ERFL: variants seen among roughly 807,000 people sequenced by gnomAD.
ERFL encodes ETS domain-containing transcription factor ERF-like.
ERFL carries 8 observed loss-of-function variants against 27.9 expected under a neutral mutation model. The ratio of observed to expected loss-of-function variants is 0.29; its 90% confidence interval spans 0.17 to 0.52. The LOEUF is 0.52. Among genes scored for constraint, ERFL ranks in the 20% least tolerant of loss-of-function variants. The probability of loss-of-function intolerance (pLI) is 0.97; values close to 1 mark genes in which losing one functional copy is unlikely to be tolerated. For synonymous variants in ERFL, 174 were observed against 202.8 expected, an observed-to-expected ratio of 0.86 and a Z score of 1.21; for missense variants, 294 against 444.4, an observed-to-expected ratio of 0.66 and a Z score of 3.04.
chr19:41,928,030 GCTCA>G lies in ERFL; in HGVS notation c.-14+6_-14+9del, dbSNP rs1555853446. The G allele has an allele frequency of 6.6e-6, 1 of 152,118 alleles. No homozygotes were observed. The highest frequency in any genetic ancestry group is 1.5e-5 in the Non-Finnish European group (1 of 68,036). The allele number at this position is 152,118 out of a possible 1,614,324, so 9.4% of individuals were successfully genotyped here. A position where few individuals can be genotyped will look rare whatever the true frequency, so the allele number is the denominator to read the frequency against. On this transcript the variant is annotated splice_donor_region_variant and intron_variant, in intron 1 of 5. Transcript: ENST00000597630. ...TCCCCGCCCCTGCGCCGGCCGCGGC[GCTCA>G]CTCACTTTCTGGGCTTTTCGCATCC...
rs369141676 is a variant in ERFL, at chr19:41,927,834, C to G, written c.-14+206G>C. ...CCCTGTCCCGAGGCCGCACCTCTAG[C>G]GCTACCCGCCTCCCACCTTCCCAGA... is the stretch of plus-strand genomic sequence containing the variant. On this transcript the variant is annotated intron_variant, in intron 1 of 5. Coordinates refer to ENST00000597630, the MANE Select transcript of ERFL (RefSeq NM_001365103.2). 2.0e-4 allele frequency among the ~76,000 whole-genome samples: 30 copies of G among 151,546 alleles called. No individual in the cohort carries two copies. In the East Asian group the frequency reaches 5.5e-3, roughly 28 times the overall value.
intron 1 of ERFL, among the ~76,000 whole-genome samples, chr19:41,920,810 G>T: frequency 6.6e-6 from 1 of 152,262 alleles, no homozygotes; most frequent in Non-Finnish European, 1.5e-5. Context: ...GCTGGGGAAG[G>T]TGTGTCTGCT....
rs959789383 is a variant in ERFL, at chr19:41,908,288, G to A, written c.1005C>T (p.Gly335=). The change falls in exon 6 of 6, where the codon GGC becomes GGT. Residue 335 remains glycine, a synonymous_variant. Transcript: ENST00000597630. This position sits in a 1 kb window ranked among gnomAD's most constrained non-coding sequence, Gnocchi z 6.7. ...DVSGCSSDSE[G]DEGLPAPPKA... ...TGGGGGGTGCCGGGAGACCCTCATC[G>A]CCCTCGCTGTCAGAGCTGCAGCCGC... 3.0e-5 allele frequency: 37 copies of A among 1,231,412 alleles called. No homozygotes were observed. The Middle Eastern group carries it at 9.3e-4, about 31-fold the overall frequency. 76.3% of individuals were successfully genotyped at this position (1,231,412 alleles called of 1,614,324 possible). A position where few individuals can be genotyped will look rare whatever the true frequency, so the allele number is the denominator to read the frequency against.
intron 1 of ERFL, 139 bp downstream of exon 1, chr19:41,927,901 G>C (rs930608061): frequency 2.0e-5 from 3 of 151,654 alleles, no homozygotes; most frequent in African/African-American, 7.3e-5. Context: ...CGGGGCGGAT[G>C]ACCCCATCCG....
At chr19:41,924,270 T>C (rs993979899) in intron 1 of ERFL, among the ~76,000 whole-genome samples, 1 of 151,924 alleles carries the variant, frequency 6.6e-6, no homozygotes, top group Non-Finnish European at 1.5e-5. Context: ...CCTGGATGGC[T>C]AGGAGGGCAG....
chr19:41,925,013 T>G (rs1555853105), intron 1 of ERFL, among the ~76,000 whole-genome samples: 1 of 151,800 alleles, frequency 6.6e-6, no homozygotes, highest in African/African-American at 2.4e-5. Context: ...GTCACATGGA[T>G]GTTTGGGGGG....
rs1177285907 is a variant in ERFL, at chr19:41,908,354, CCCA to C, written c.936_938del (p.Gly313del). ...CCAGCTCCGAGTCGCTGTCCTCCTT[CCCA>C]CCAAGGGCAGCCTCTGGACCCCCAG... On this transcript the variant is annotated inframe_deletion, in exon 6 of 6. Transcript: ENST00000597630. The surrounding 1 kb of genome is among the most constrained non-coding windows in gnomAD (Gnocchi z 6.7). The C allele has an allele frequency of 2.4e-6, 3 of 1,231,354 alleles. No homozygotes were observed. Among genetic ancestry groups the C allele is most frequent in the Non-Finnish European group, 3.0e-6 (3 of 987,796 alleles). The allele number at this position is 1,231,354 out of a possible 1,614,324, so 76.3% of individuals were successfully genotyped here. A position where few individuals can be genotyped will look rare whatever the true frequency, so the allele number is the denominator to read the frequency against.
Position 41,908,273 on chromosome 19 carries a change from C to T in ERFL, c.1020G>A (p.Pro340=), listed in dbSNP as rs1406734649. The T allele has an allele frequency of 8.9e-6, 11 of 1,231,492 alleles. No homozygotes were observed. The highest frequency in any genetic ancestry group is 1.1e-5 in the Non-Finnish European group (11 of 987,896). 76.3% of individuals were successfully genotyped at this position (1,231,492 alleles called of 1,614,324 possible). Residue 340 remains proline, a synonymous_variant, in exon 6 of 6, where the codon CCG becomes CCA. Transcript: ENST00000597630. The surrounding 1 kb of genome is among the most constrained non-coding windows in gnomAD (Gnocchi z 6.7). Reference sequence around the variant, plus strand: ...TGCCCGCCTTTGCCTTGGGGGGTGCCGGGAGACCCTCATCGCCCTCGCTGT... The same window carrying T: ...TGCCCGCCTTTGCCTTGGGGGGTGCTGGGAGACCCTCATCGCCCTCGCTGT... ...SSDSEGDEGL[P]APPKAKAGKG...
rs189331931 is a variant in ERFL, at chr19:41,910,430, C to A, written c.68-333G>T. 6.6e-6 allele frequency among the ~76,000 whole-genome samples: 1 copy of A among 152,204 alleles called. No homozygotes were observed. The highest frequency in any genetic ancestry group is 1.5e-5 in the Non-Finnish European group (1 of 67,984). ...CAGTGAGGAGGAATGGGGAGGGGCA[C>A]CCGCCTCCAACAGCGTTAGTCCTCT... On this transcript the variant is annotated intron_variant, in intron 2 of 5. Transcript: ENST00000597630. The surrounding 1 kb of genome is among the most constrained non-coding windows in gnomAD (Gnocchi z 4.4).
rs540055271 is a variant in ERFL, at chr19:41,926,721, G to T, written c.-14+1319C>A. Among the ~76,000 whole-genome samples, 8 of 152,196 alleles carry T rather than the reference G, an allele frequency of 5.3e-5. No homozygotes were observed. In the East Asian group the frequency reaches 1.5e-3, roughly 29 times the overall value. On this transcript the variant is annotated intron_variant, in intron 1 of 5. Coordinates refer to ENST00000597630, the MANE Select transcript of ERFL (RefSeq NM_001365103.2). Reference sequence around the variant, plus strand: ...GCCGCGGCGGCCGGCCGGGAGGGGGGAGCGGGCGGGGGGGCCGTTTAGCCG... The same window carrying T: ...GCCGCGGCGGCCGGCCGGGAGGGGGTAGCGGGCGGGGGGGCCGTTTAGCCG...
At chr19:41,912,974 G>T in intron 1 of ERFL, 42 bp from the exon 2 acceptor site, 1 of 963,448 alleles carries the variant, frequency 1.0e-6, no homozygotes, top group Non-Finnish European at 1.3e-6. Flanking sequence ...GGGTGGGCAG[G>T]AGAGACAGAC....
At chr19:41,923,074 G>A (rs1353563301) in intron 1 of ERFL, 6 of 450,524 alleles carry the variant, frequency 1.3e-5, no homozygotes, top group African/African-American at 4.0e-5. Context: ...TCTGACCCAG[G>A]CCTTTTGCTT....
chr19:41,917,013 T>C lies in ERFL; in HGVS notation c.-13-4081A>G, dbSNP rs79600216. On this transcript the variant is annotated intron_variant, in intron 1 of 5. Coordinates refer to ENST00000597630, the MANE Select transcript of ERFL (RefSeq NM_001365103.2). This position sits in a 1 kb window ranked among gnomAD's most constrained non-coding sequence, Gnocchi z 4.8. ...TCCCAAGCATGTCTCTGCATGGGTG[T>C]GTGTGTGTGTGTGCACATATGTGAC... Among the ~76,000 whole-genome samples the C allele has an allele frequency of 0.037, 4,949 of 133,374 alleles. 281 individuals carry two copies. The highest frequency in any genetic ancestry group is 0.17 in the African/African-American group (4,680 of 28,088). 87.5% of individuals were successfully genotyped at this position (133,374 alleles called of 152,430 possible). A position where few individuals can be genotyped will look rare whatever the true frequency, so the allele number is the denominator to read the frequency against.
rs1412544233 is a variant in ERFL at position 41,917,968 on chromosome 19, C to T, written c.-13-5036G>A. Among the ~76,000 whole-genome samples the T allele has an allele frequency of 6.6e-6, 1 of 152,016 alleles. No homozygotes were observed. Among genetic ancestry groups the T allele is most frequent in the Non-Finnish European group, 1.5e-5 (1 of 68,008 alleles). On this transcript the variant is annotated intron_variant, in intron 1 of 5. Transcript: ENST00000597630. This position sits in a 1 kb window ranked among gnomAD's most constrained non-coding sequence, Gnocchi z 4.8. Reference sequence around the variant, plus strand: ...CACACCTGTCCGTCCAGACTATAGCCACGTCCATGTGTACACAGAGCAGGC... The same window carrying T: ...CACACCTGTCCGTCCAGACTATAGCTACGTCCATGTGTACACAGAGCAGGC...
At position 41,923,156 on chromosome 19, in the gene ERFL, T is replaced by C. The variant is rs946959771; in HGVS notation, c.-14+4884A>G. 5 of 456,436 alleles carry C rather than the reference T, an allele frequency of 1.1e-5. No homozygotes were observed. In the Admixed American group the frequency reaches 1.2e-4, roughly 11 times the overall value. The allele number at this position is 456,436 out of a possible 1,614,324, so 28.3% of individuals were successfully genotyped here. A position where few individuals can be genotyped will look rare whatever the true frequency, so the allele number is the denominator to read the frequency against. ...ATGATGGATGCCCATTTCACAGATG[T>C]GGAAACTGAGGTTCTGACAGGAAAA... is the stretch of plus-strand genomic sequence containing the variant. On this transcript the variant is annotated intron_variant, in intron 1 of 5. Coordinates refer to ENST00000597630, the MANE Select transcript of ERFL (RefSeq NM_001365103.2).
intron 1 of ERFL, among the ~76,000 whole-genome samples, chr19:41,920,504 TCAGACATGACACGCTCA>T (rs2074835869): frequency 7.5e-6 from 1 of 133,024 alleles, no homozygotes; most frequent in South Asian, 2.9e-4. Context: ...CATGACGCAC[TCAGACATGACACGCTCA>T]CAGACATGAT....
intron 1 of ERFL, among the ~76,000 whole-genome samples, chr19:41,915,812 G>A (rs1555851906): frequency 6.6e-6 from 1 of 152,142 alleles, no homozygotes; most frequent in Admixed American, 6.5e-5. Context: ...ACTGATGGAG[G>A]GAGCGCGGCC....
chr19:41,913,948 A>AC (rs1315899687), intron 1 of ERFL, among the ~76,000 whole-genome samples: 2 of 136,908 alleles, frequency 1.5e-5, no homozygotes, highest in Admixed American at 1.5e-4. Flanking sequence ...CTTCCTGGAG[A>AC]CCCCCCAGAC....
rs1044732683 is a variant in ERFL, at chr19:41,909,268, A to C, written c.498+8T>G. On this transcript the variant is annotated splice_region_variant and intron_variant, in intron 4 of 5. Transcript: ENST00000597630. This position sits in a 1 kb window ranked among gnomAD's most constrained non-coding sequence, Gnocchi z 5.2. ...CCTCGGTTCCAGGACCCCAGTACCC[A>C]GACTCACCTCAGGGGTGAGGGGAGG... The C allele has an allele frequency of 1.1e-5, 13 of 1,232,062 alleles. No individual in the cohort carries two copies. In the African/African-American group the frequency reaches 1.9e-4, roughly 18 times the overall value. The allele number at this position is 1,232,062 out of a possible 1,614,324, so 76.3% of individuals were successfully genotyped here.
Sources: allele counts gnomAD v4.1 joint callset (sites outside exome capture counted in the v4.1 genomes callset), GRCh38; gene constraint gnomAD v4.1.1; non-coding constraint Gnocchi (gnomAD v3.1); transcripts MANE v1.5; gene names NCBI Gene and HGNC (gene_info 2026-07-23, HGNC 2026-07-21).